Variants in AFF2 observed in about 807,000 individuals in gnomAD.
AFF2 encodes the protein ALF transcription elongation factor 2.
Under a neutral mutation model 76.9 loss-of-function variants are expected in AFF2, and 14 were observed. The observed-to-expected ratio is 0.18, with a 90% CI of 0.12 to 0.28. AFF2 has a LOEUF of 0.28. Among genes scored for constraint, AFF2 ranks in the 10% least tolerant of loss-of-function variants. AFF2 has a pLI of 1.00. For missense variants in AFF2, 868 were observed against 1,001.1 expected, an observed-to-expected ratio of 0.87 and a Z score of 1.79; for synonymous variants, 398 against 366.7, an observed-to-expected ratio of 1.09 and a Z score of -0.98.
chrX:148,842,193 G>T (rs2070608653), intron 5 of AFF2, among the ~76,000 whole-genome samples: 1 of 112,082 alleles, frequency 8.9e-6, no homozygotes, highest in African/African-American at 3.2e-5. Flanking sequence ...TCCACACAGT[G>T]CCATGTGTGC....
chrX:148,825,343 G>T (rs782075140), intron 4 of AFF2, among the ~76,000 whole-genome samples: 3 of 111,652 alleles, frequency 2.7e-5, no homozygotes, highest in South Asian at 7.6e-4. Flanking sequence ...TTATTGAGTG[G>T]ATTAAATATG....
intron 2 of AFF2, among the ~76,000 whole-genome samples, chrX:148,659,557 T>G (rs1557257488): frequency 3.6e-5 from 4 of 112,622 alleles, no homozygotes; most frequent in Non-Finnish European, 7.5e-5. Flanking sequence ...TGTTTTCCCT[T>G]GTTGAGTCAG....
intron 3 of AFF2, among the ~76,000 whole-genome samples, chrX:148,678,545 T>G (rs1337247297): frequency 1.8e-5 from 2 of 111,857 alleles, no homozygotes; most frequent in Admixed American, 1.9e-4. Context: ...ATTAGTCTGC[T>G]TTTAGGCTGC....
At chrX:148,638,485 T>C (rs782663274) in intron 1 of AFF2, among the ~76,000 whole-genome samples, 1 of 111,427 alleles carries the variant, frequency 9.0e-6, no homozygotes, top group Non-Finnish European at 1.9e-5. Flanking sequence ...ACCAGGTCCT[T>C]CCCTTGACAC....
At chrX:148,601,832 T>C (rs1293030961) in intron 1 of AFF2, among the ~76,000 whole-genome samples, 1 of 112,184 alleles carries the variant, frequency 8.9e-6, no homozygotes, top group African/African-American at 3.2e-5. Context: ...TGTTAAATCC[T>C]ATGTCTCCAT....
At chrX:148,618,515 T>C (rs1387140950) in intron 1 of AFF2, among the ~76,000 whole-genome samples, 3 of 111,606 alleles carry the variant, frequency 2.7e-5, no homozygotes, top group Admixed American at 1.9e-4. Context: ...CACCTGGTCC[T>C]GACCTTGACA....
rs1190491236 is a variant in AFF2, at chrX:148,992,769, T to C, written c.*1437T>C. ...CACATTCATTTTATGTCCCTAAACA[T>C]CACAATGTAAATATCATTTTTGATG... On this transcript the variant is annotated 3_prime_UTR_variant, in exon 21 of 21. Coordinates refer to ENST00000370460, the MANE Select transcript of AFF2 (RefSeq NM_002025.4). 2 of 112,189 alleles carry C rather than the reference T, an allele frequency of 1.8e-5. No individual in the cohort carries two copies. Among genetic ancestry groups the C allele is most frequent in the Non-Finnish European group, 3.8e-5 (2 of 53,203 alleles). The allele number at this position is 112,189 out of a possible 1,213,427, so 9.2% of individuals were successfully genotyped here.
At chrX:148,560,718 T>C (rs781954946) in intron 1 of AFF2, among the ~76,000 whole-genome samples, 2 of 112,000 alleles carry the variant, frequency 1.8e-5, no homozygotes, top group Non-Finnish European at 3.8e-5. Context: ...AAAGACAGGA[T>C]CTGTAACAGT....
intron 1 of AFF2, among the ~76,000 whole-genome samples, chrX:148,524,152 T>C (rs1320652626): frequency 9.3e-6 from 1 of 107,653 alleles, no homozygotes; most frequent in Non-Finnish European, 1.9e-5. Context: ...TGTGTGTGTG[T>C]GTGTGGTTTG....
intron 2 of AFF2, among the ~76,000 whole-genome samples, chrX:148,660,305 C>T (rs2054291348): frequency 9.0e-6 from 1 of 111,275 alleles, no homozygotes; most frequent in African/African-American, 3.3e-5. Flanking sequence ...GTATCGTTTG[C>T]TGGTTCCTCA....
chrX:148,888,894 C>T (rs1400443166), intron 8 of AFF2, among the ~76,000 whole-genome samples: 2 of 111,566 alleles, frequency 1.8e-5, no homozygotes, highest in African/African-American at 6.5e-5. Flanking sequence ...AAACTGTGCT[C>T]AAGAGCCCAG....
At chrX:148,603,926 T>G (rs149728511) in intron 1 of AFF2, among the ~76,000 whole-genome samples, 2,260 of 111,086 alleles carry the variant, frequency 0.02, 65 homozygotes, top group African/African-American at 0.068. Flanking sequence ...CTCGTGCACT[T>G]TGTAATTTAT....
intron 19 of AFF2, among the ~76,000 whole-genome samples, chrX:148,987,024 G>C (rs2072480091): frequency 9.0e-6 from 1 of 111,058 alleles, no homozygotes; most frequent in Admixed American, 9.5e-5. Flanking sequence ...AAGAAGAAGA[G>C]TGGGCCTCAT....
rs1476994701 is a variant in AFF2 at position 148,978,536 on chromosome X, A to T, written c.3570+81A>T. ...CACGACATGCAGGTTATCGAATGTCAAATGCTGCCAAAGGCTTAACCTCTC... is the reference window on the plus strand; with the variant it reads ...CACGACATGCAGGTTATCGAATGTCTAATGCTGCCAAAGGCTTAACCTCTC... On this transcript the variant is annotated intron_variant, in intron 18 of 20. Coordinates refer to ENST00000370460, the MANE Select transcript of AFF2 (RefSeq NM_002025.4). The T allele has an allele frequency of 2.0e-5, 14 of 694,937 alleles. No homozygotes were observed. The African/African-American group carries it at 3.0e-4, about 15-fold the overall frequency. 57.3% of individuals were successfully genotyped at this position (694,937 alleles called of 1,213,427 possible). A position where few individuals can be genotyped will look rare whatever the true frequency, so the allele number is the denominator to read the frequency against.
At chrX:148,529,644 G>A (rs782644005) in intron 1 of AFF2, among the ~76,000 whole-genome samples, 2 of 111,668 alleles carry the variant, frequency 1.8e-5, no homozygotes, top group East Asian at 2.8e-4. Context: ...CAGATTCTCC[G>A]ATGAGGTTCA....
chrX:148,772,115 C>T (rs1557268147), intron 3 of AFF2, among the ~76,000 whole-genome samples: 1 of 112,069 alleles, frequency 8.9e-6, no homozygotes, highest in African/African-American at 3.2e-5. Flanking sequence ...ATCCTTACAT[C>T]TTCTTTTCAG....
intron 1 of AFF2, among the ~76,000 whole-genome samples, chrX:148,560,640 A>G (rs1480198878): frequency 8.9e-6 from 1 of 111,824 alleles, no homozygotes; most frequent in Non-Finnish European, 1.9e-5. Context: ...TTCATCTAAC[A>G]AACAGCTAAT....
chrX:148,595,407 A>G, intron 1 of AFF2, among the ~76,000 whole-genome samples: 1 of 112,290 alleles, frequency 8.9e-6, no homozygotes, highest in Non-Finnish European at 1.9e-5. Context: ...GGAGTCTACC[A>G]GACAGTGGTG....
At chrX:148,824,476 G>A (rs1557272832) in intron 4 of AFF2, among the ~76,000 whole-genome samples, 1 of 111,648 alleles carries the variant, frequency 9.0e-6, no homozygotes, top group Non-Finnish European at 1.9e-5. Flanking sequence ...CTTGATTATG[G>A]CAATCATTTT....
Sources: gnomAD v4.1 joint callset for allele counts (sites outside exome capture counted in the v4.1 genomes callset) on GRCh38, gnomAD v4.1.1 for gene constraint, MANE v1.5 for transcripts, NCBI Gene and HGNC (gene_info 2026-07-23, HGNC 2026-07-21) for gene names.